The following NTM variants were observed in gnomAD, a reference collection of about 807,000 sequenced individuals.
NTM encodes the protein neurotrimin.
NTM carries 13 observed loss-of-function variants against 42.1 expected under a neutral mutation model. That is an observed-to-expected ratio of 0.31 (90% CI 0.20 to 0.49). The LOEUF (loss-of-function observed/expected upper bound fraction) is 0.49. Ranked by LOEUF, NTM falls within the 20% of genes least tolerant of loss-of-function variation. The pLI is 0.99. For synonymous variants in NTM, 187 were observed against 179.2 expected (o/e 1.04, Z -0.35); for missense variants, 373 against 452.8 (o/e 0.82, Z 1.60).
chr11:131,450,663 A>G (rs1950414300), intron 1 of NTM, among the ~76,000 whole-genome samples: 1 of 152,320 alleles, frequency 6.6e-6, no homozygotes, highest in East Asian at 1.9e-4. Flanking sequence ...GGTCTCAGTT[A>G]CATCTTTTAT....
intron 2 of NTM, among the ~76,000 whole-genome samples, chr11:131,947,481 A>C (rs953941141): frequency 6.6e-6 from 1 of 152,186 alleles, no homozygotes. Flanking sequence ...CAGCACCTAC[A>C]GAGAACCAGG....
intron 1 of NTM, among the ~76,000 whole-genome samples, chr11:131,467,333 C>T (rs1951990671): frequency 6.6e-6 from 1 of 152,184 alleles, no homozygotes; most frequent in South Asian, 2.1e-4. Flanking sequence ...GAGTAAATTT[C>T]TCTCATTCCC....
intron 2 of NTM, among the ~76,000 whole-genome samples, chr11:132,017,439 G>A (rs968186325): frequency 7.9e-5 from 12 of 151,860 alleles, no homozygotes; most frequent in African/African-American, 1.7e-4. Flanking sequence ...TCAGTTGACC[G>A]TAAATGGGAT....
At chr11:131,710,495 C>G (rs76459459) in intron 1 of NTM, among the ~76,000 whole-genome samples, 1 of 152,066 alleles carries the variant, frequency 6.6e-6, no homozygotes, top group Non-Finnish European at 1.5e-5. Flanking sequence ...CAGCTCTGTA[C>G]TGAAATCTTA....
intron 6 of NTM, chr11:132,312,835 G>GGAAAT (rs1430049207): frequency 2.5e-4 from 38 of 154,522 alleles, no homozygotes; most frequent in African/African-American, 7.9e-4. Context: ...ATAGCAAGCT[G>GGAAAT]GAAATGTAAA....
chr11:132,153,916 C>T (rs2072558497), intron 3 of NTM, among the ~76,000 whole-genome samples: 1 of 152,150 alleles, frequency 6.6e-6, no homozygotes, highest in South Asian at 2.1e-4. Flanking sequence ...TTGAATTTAC[C>T]TGCAAGATTA....
Position 131,991,781 on chromosome 11 carries a change from C to T in NTM, c.167+80133C>T, listed in dbSNP as rs150851842. On this transcript the variant is annotated intron_variant, in intron 2 of 8. Coordinates refer to ENST00000683400, the MANE Select transcript of NTM (RefSeq NM_001352005.2). The stretch of plus-strand genomic sequence containing the variant: ...GGGGGAATGCATTCTGGACATGTAC[C>T]TGCCATTGCATTCACAAAGGCAGGC... 2.5e-3 allele frequency among the ~76,000 whole-genome samples: 376 copies of T among 152,234 alleles called. 1 individual carries two copies. In the Middle Eastern group the frequency reaches 0.031, roughly 12 times the overall value.
chr11:131,391,073 C>T (rs1032036406), intron 1 of NTM, among the ~76,000 whole-genome samples: 8 of 152,302 alleles, frequency 5.3e-5, no homozygotes, highest in Non-Finnish European at 5.9e-5. Context: ...ACTTACTACA[C>T]GTGTGCTACT....
At chr11:131,394,641 C>G (rs1944357460) in intron 1 of NTM, among the ~76,000 whole-genome samples, 1 of 152,180 alleles carries the variant, frequency 6.6e-6, no homozygotes, top group Non-Finnish European at 1.5e-5. Flanking sequence ...AGCTGGCATC[C>G]TTTCACTTCA....
At chr11:132,011,034 C>G (rs1478401165) in intron 2 of NTM, among the ~76,000 whole-genome samples, 2 of 151,438 alleles carry the variant, frequency 1.3e-5, no homozygotes, top group Non-Finnish European at 2.9e-5. Context: ...AATGTATGCT[C>G]TGTGGCATTG....
chr11:132,014,733 CTTGTT>C (rs1264014985), intron 2 of NTM, among the ~76,000 whole-genome samples: 4 of 63,280 alleles, frequency 6.3e-5, no homozygotes, highest in Admixed American at 1.5e-4. Context: ...AAGAGAATTA[CTTGTT>C]TTTTTTTTTT....
At chr11:132,027,051 C>A (rs2075282425) in intron 2 of NTM, among the ~76,000 whole-genome samples, 1 of 152,150 alleles carries the variant, frequency 6.6e-6, no homozygotes, top group African/African-American at 2.4e-5. Flanking sequence ...GAAACTCATC[C>A]TGAGAATTAT....
intron 1 of NTM, among the ~76,000 whole-genome samples, chr11:131,736,858 CG>C (rs1263325775): frequency 6.6e-6 from 1 of 152,156 alleles, no homozygotes; most frequent in Non-Finnish European, 1.5e-5. Flanking sequence ...CATTTATCTG[CG>C]TTGAGAATTC....
chr11:131,672,401 C>T (rs571868990), intron 1 of NTM, among the ~76,000 whole-genome samples: 1 of 152,328 alleles, frequency 6.6e-6, no homozygotes, highest in East Asian at 1.9e-4. Context: ...GCCTGCTTCA[C>T]GAAGCACGCG....
intron 3 of NTM, among the ~76,000 whole-genome samples, chr11:132,188,927 C>T (rs140468408): frequency 2.0e-5 from 3 of 152,216 alleles, no homozygotes; most frequent in African/African-American, 7.2e-5. Flanking sequence ...TCTAGAAATG[C>T]GCACACATGA....
intron 1 of NTM, among the ~76,000 whole-genome samples, chr11:131,547,337 T>C (rs758615670): frequency 4.6e-5 from 7 of 150,598 alleles, no homozygotes; most frequent in African/African-American, 7.3e-5. Flanking sequence ...GAAAAGGGGG[T>C]AGGAAAAAGG....
chr11:131,569,755 T>C (rs925506109), intron 1 of NTM, among the ~76,000 whole-genome samples: 3 of 151,908 alleles, frequency 2.0e-5, no homozygotes, highest in African/African-American at 7.3e-5. Context: ...TTTTAAAAAG[T>C]TTTTTTTGTA....
At chr11:131,808,362 T>G (rs2092601336) in intron 1 of NTM, among the ~76,000 whole-genome samples, 1 of 152,196 alleles carries the variant, frequency 6.6e-6, no homozygotes, top group South Asian at 2.1e-4. Context: ...CGATCAGGAT[T>G]CATTTTCCTT....
At chr11:132,245,568 T>C (rs1436059339) in intron 4 of NTM, among the ~76,000 whole-genome samples, 1 of 151,972 alleles carries the variant, frequency 6.6e-6, no homozygotes, top group Non-Finnish European at 1.5e-5. Context: ...ATGGAGGAGG[T>C]GCAGGGAAAG....
Sources: allele counts gnomAD v4.1 joint callset (sites outside exome capture counted in the v4.1 genomes callset), GRCh38; gene constraint gnomAD v4.1.1; transcripts MANE v1.5; gene names NCBI Gene and HGNC (gene_info 2026-07-23, HGNC 2026-07-21).